ZNF420: variants seen among roughly 807,000 people sequenced by gnomAD.
The protein encoded by ZNF420 is ATM and p53-associated KZNF protein.
In ZNF420, 31 loss-of-function variants were observed where a neutral mutation model predicts 44.7. That is an observed-to-expected ratio of 0.69 (90% CI 0.52 to 0.94). The LOEUF (loss-of-function observed/expected upper bound fraction) is 0.94, where lower values mean the gene tolerates loss of function less well. Among genes scored for constraint, ZNF420 ranks in the 40% least tolerant of loss-of-function variants. ZNF420 has a pLI of 0.00. For missense variants in ZNF420, 681 were observed against 827.9 expected (o/e 0.82, Z 2.18); for synonymous variants, 245 against 267.4 (o/e 0.92, Z 0.82).
intron 1 of ZNF420, among the ~76,000 whole-genome samples, chr19:37,036,631 C>T (rs1171730775): frequency 1.3e-5 from 2 of 152,078 alleles, no homozygotes; most frequent in African/African-American, 4.8e-5. Flanking sequence ...TAAATAATAA[C>T]CCTTGGTTTT....
At chr19:37,056,405 G>A (rs991074578) in intron 1 of ZNF420, among the ~76,000 whole-genome samples, 4 of 152,070 alleles carry the variant, frequency 2.6e-5, no homozygotes, top group East Asian at 1.9e-4. Flanking sequence ...ATATGGGCTC[G>A]GTGACACACA....
At position 37,128,188 on chromosome 19, in the gene ZNF420, G is replaced by A. The variant is rs144801521; in HGVS notation, c.1197G>A (p.Met399Ile). Reference sequence around the variant, plus strand: ...ATGAATGTAAGGAATGTGGAAAGATGTTTAGTCATGGCTCACAACTTACTC... The same window carrying A: ...ATGAATGTAAGGAATGTGGAAAGATATTTAGTCATGGCTCACAACTTACTC... ...KPYECKECGK[M>I]FSHGSQLTQH... The change falls in exon 5 of 5, where the codon ATG (methionine) becomes ATA (isoleucine). Residue 399 changes from methionine to isoleucine, a missense_variant. Physicochemically the swap from Met to Ile is conservative, Grantham distance 10. Transcript: ENST00000337995. 2 of 1,613,756 alleles carry A rather than the reference G, an allele frequency of 1.2e-6. No homozygotes were observed. Among genetic ancestry groups the A allele is most frequent in the African/African-American group, 2.7e-5 (2 of 74,922 alleles).
At position 37,052,017 on chromosome 19, in the gene ZNF420, A is replaced by C. The variant is rs921333127; in HGVS notation, c.-124-28328A>C. Reference sequence around the variant, plus strand: ...AGTCTAAGTCTCTTTCTAGCTCTCTAAGGACTTGCTTTATGAATCTGGGTG... The same window carrying C: ...AGTCTAAGTCTCTTTCTAGCTCTCTCAGGACTTGCTTTATGAATCTGGGTG... On this transcript the variant is annotated intron_variant, in intron 1 of 4. Coordinates refer to the ZNF420 transcript ENST00000587029. Among the ~76,000 whole-genome samples, 34 of 152,250 alleles carry C rather than the reference A, an allele frequency of 2.2e-4. No homozygotes were observed. The Middle Eastern group carries it at 0.017, about 76-fold the overall frequency.
chr19:37,034,569 A>T (rs1469952241), intron 1 of ZNF420, among the ~76,000 whole-genome samples: 1 of 152,220 alleles, frequency 6.6e-6, no homozygotes, highest in Admixed American at 6.5e-5. Flanking sequence ...ACAGTTATAA[A>T]TATATCATGT....
chr19:37,015,521 C>T (rs2074603135), intron 1 of ZNF420, among the ~76,000 whole-genome samples: 1 of 152,164 alleles, frequency 6.6e-6, no homozygotes, highest in Non-Finnish European at 1.5e-5. Flanking sequence ...AGGGCAGGAG[C>T]TTAAGGATGT....
At chr19:37,055,050 A>G (rs962819246) in intron 1 of ZNF420, among the ~76,000 whole-genome samples, 3 of 152,156 alleles carry the variant, frequency 2.0e-5, no homozygotes, top group African/African-American at 7.2e-5. Context: ...AATAAGTGGG[A>G]CTAATATCTG....
rs939869058 is a variant in ZNF420, at chr19:37,127,599, C to G, written c.608C>G (p.Ala203Gly). Residue 203 changes from alanine (A) to glycine (G), a missense_variant, in exon 5 of 5, where the codon GCC (alanine) becomes GGC (glycine). Ala to Gly is a moderately conservative substitution (Grantham distance 60). Transcript: ENST00000337995. Reference protein sequence around the residue: ...KPYACKECGKAFTQSSQLILH... With the variant: ...KPYACKECGKGFTQSSQLILH... ...TATGCATGTAAGGAATGTGGGAAGG[C>G]CTTTACTCAAAGCTCACAACTTATT... 6.2e-7 allele frequency: 1 copy of G among 1,613,856 alleles called. No individual in the cohort carries two copies. Among genetic ancestry groups the G allele is most frequent in the Admixed American group, 1.7e-5 (1 of 59,998 alleles).
At chr19:37,101,789 C>T (rs1290724208) in intron 4 of ZNF420, among the ~76,000 whole-genome samples, 1 of 152,218 alleles carries the variant, frequency 6.6e-6, no homozygotes, top group African/African-American at 2.4e-5. Flanking sequence ...GAAGACTGTC[C>T]TGGTGGCCCA....
intron 1 of ZNF420, among the ~76,000 whole-genome samples, chr19:37,011,712 C>A (rs1159831124): frequency 6.6e-6 from 1 of 152,168 alleles, no homozygotes; most frequent in Non-Finnish European, 1.5e-5. Context: ...TTCCACCAGG[C>A]ACATACCTGG....
intron 2 of ZNF420, among the ~76,000 whole-genome samples, chr19:37,082,012 A>G (rs187443741): frequency 6.6e-6 from 1 of 152,146 alleles, no homozygotes; most frequent in Admixed American, 6.5e-5. Flanking sequence ...TAGCCATTCC[A>G]GCTTTCTTTT....
chr19:37,127,001 CATA>C lies in ZNF420; in HGVS notation c.137-121_137-119del, dbSNP rs1295837980. The C allele has an allele frequency of 8.0e-5, 55 of 691,480 alleles. 1 individual carries two copies. The South Asian group carries it at 1.6e-3, about 20-fold the overall frequency. The allele number at this position is 691,480 out of a possible 1,614,324, so 42.8% of individuals were successfully genotyped here. A position where few individuals can be genotyped will look rare whatever the true frequency, so the allele number is the denominator to read the frequency against. On this transcript the variant is annotated intron_variant, in intron 4 of 4. Coordinates refer to ENST00000337995, the MANE Select transcript of ZNF420 (RefSeq NM_144689.5). ...GATGTGAAAGGTAGGTATTATATGT[CATA>C]ATAATCAATATTTGAAACAAACTCA... is the stretch of plus-strand genomic sequence containing the variant.
chr19:37,108,729 G>A (rs1048349213), intron 4 of ZNF420, among the ~76,000 whole-genome samples: 1 of 152,006 alleles, frequency 6.6e-6, no homozygotes, highest in African/African-American at 2.4e-5. Context: ...TAGAAAGACT[G>A]TAATTTTTTG....
intron 1 of ZNF420, among the ~76,000 whole-genome samples, chr19:37,038,567 CA>C (rs1442014711): frequency 6.6e-6 from 1 of 152,196 alleles, no homozygotes; most frequent in Non-Finnish European, 1.5e-5. Context: ...GTTCTTTCAA[CA>C]ATGTTGACAG....
At chr19:37,012,804 GTGTGTGTGTC>G (rs1261731342) in intron 1 of ZNF420, among the ~76,000 whole-genome samples, 80 of 139,100 alleles carry the variant, frequency 5.8e-4, no homozygotes, top group African/African-American at 2.3e-3. Flanking sequence ...GTGTGTGTGT[GTGTGTGTGTC>G]TCCCATTCTC....
At chr19:37,061,606 G>A (rs1967881016) in intron 1 of ZNF420, among the ~76,000 whole-genome samples, 1 of 152,038 alleles carries the variant, frequency 6.6e-6, no homozygotes. Flanking sequence ...AGCATCATGA[G>A]AAAACAATAT....
chr19:37,044,830 A>C (rs1317122297), intron 1 of ZNF420, among the ~76,000 whole-genome samples: 1 of 152,172 alleles, frequency 6.6e-6, no homozygotes, highest in Non-Finnish European at 1.5e-5. Flanking sequence ...CTCCATCTCA[A>C]AAAATAATAA....
At chr19:37,095,276 C>T (rs1047521926) in intron 4 of ZNF420, among the ~76,000 whole-genome samples, 1 of 152,098 alleles carries the variant, frequency 6.6e-6, no homozygotes, top group Admixed American at 6.5e-5. Flanking sequence ...GTTTGTGTCA[C>T]TTGACAAATA....
intron 4 of ZNF420, among the ~76,000 whole-genome samples, chr19:37,104,878 T>A (rs1969989803): frequency 6.6e-6 from 1 of 152,216 alleles, no homozygotes; most frequent in Non-Finnish European, 1.5e-5. Context: ...ATTTGAGTTC[T>A]TTGTAGATTC....
chr19:37,115,748 G>T (rs926506552), intron 4 of ZNF420, among the ~76,000 whole-genome samples: 1 of 151,888 alleles, frequency 6.6e-6, no homozygotes, highest in Non-Finnish European at 1.5e-5. Context: ...GACCCTTTAC[G>T]GGTGTTGGGC....
Sources: allele counts gnomAD v4.1 joint callset (sites outside exome capture counted in the v4.1 genomes callset), GRCh38; gene constraint gnomAD v4.1.1; transcripts MANE v1.5; gene names NCBI Gene and HGNC (gene_info 2026-07-23, HGNC 2026-07-21).